TIAM1: variants seen among roughly 807,000 people sequenced by gnomAD.
TIAM1 encodes TIAM Rac1 associated GEF 1, also known as rho guanine nucleotide exchange factor TIAM1.
A neutral mutation model predicts 163.5 loss-of-function variants in TIAM1; 65 were observed. That is an observed-to-expected ratio of 0.40 (90% CI 0.33 to 0.49). TIAM1 has a LOEUF of 0.49. Among genes scored for constraint, TIAM1 ranks in the 20% least tolerant of loss-of-function variants. The pLI is 0.77. For synonymous variants in TIAM1, 833 were observed against 810.1 expected, an observed-to-expected ratio of 1.03 and a Z score of -0.48; for missense variants, 1,789 against 2,044.7, an observed-to-expected ratio of 0.87 and a Z score of 2.41.
At chr21:31,500,831 C>T (rs1036072719) in intron 1 of TIAM1, among the ~76,000 whole-genome samples, 2 of 152,196 alleles carry the variant, frequency 1.3e-5, no homozygotes, top group African/African-American at 4.8e-5. Flanking sequence ...TTTTGGACTT[C>T]TGGCCTCCAG....
At chr21:31,278,498 T>C (rs576667987) in intron 2 of TIAM1, among the ~76,000 whole-genome samples, 219 of 152,336 alleles carry the variant, frequency 1.4e-3, no homozygotes, top group African/African-American at 4.8e-3. Context: ...GACATTCCCC[T>C]GGGGCTGCCC....
chr21:31,423,431 A>G (rs1357343294), intron 2 of TIAM1, among the ~76,000 whole-genome samples: 3 of 152,066 alleles, frequency 2.0e-5, no homozygotes, highest in Non-Finnish European at 4.4e-5. Flanking sequence ...ATAAAAGTCA[A>G]GAGTAGCCTA....
At chr21:31,479,908 C>T (rs2046058467) in intron 1 of TIAM1, among the ~76,000 whole-genome samples, 1 of 152,114 alleles carries the variant, frequency 6.6e-6, no homozygotes, top group African/African-American at 2.4e-5. Context: ...ACCTGAGATG[C>T]CCCTACACGT....
chr21:31,457,126 A>G (rs1353146163), intron 2 of TIAM1, among the ~76,000 whole-genome samples: 1 of 152,062 alleles, frequency 6.6e-6, no homozygotes, highest in Non-Finnish European at 1.5e-5. Context: ...AAAATTTCTT[A>G]TTAACAAATC....
intron 6 of TIAM1, among the ~76,000 whole-genome samples, chr21:31,242,404 C>A (rs1394273267): frequency 1.3e-5 from 2 of 151,974 alleles, no homozygotes; most frequent in Non-Finnish European, 2.9e-5. Context: ...ACACCTGTAG[C>A]CCCAGCTATT....
intron 15 of TIAM1, among the ~76,000 whole-genome samples, chr21:31,170,711 G>T (rs2084459740): frequency 1.3e-5 from 2 of 151,996 alleles, no homozygotes; most frequent in South Asian, 4.2e-4. Flanking sequence ...CCATCATAAA[G>T]TCAAAAAATC....
rs143910910 is a variant in TIAM1 at position 31,145,653 on chromosome 21, C to A, written c.3475+1242G>T. Among the ~76,000 whole-genome samples the A allele has an allele frequency of 2.6e-5, 4 of 152,228 alleles. No individual in the cohort carries two copies. In the East Asian group the frequency reaches 7.7e-4, roughly 29 times the overall value. ...TATAAAAATTCTACTGTGTCCTGCA[C>A]AAAAATAACTACAAATGCAGCAGTT... On this transcript the variant is annotated intron_variant, in intron 20 of 27. Coordinates refer to ENST00000541036, the MANE Select transcript of TIAM1 (RefSeq NM_001353694.2).
At chr21:31,481,520 A>G (rs1020651930) in intron 1 of TIAM1, among the ~76,000 whole-genome samples, 2 of 152,152 alleles carry the variant, frequency 1.3e-5, no homozygotes, top group East Asian at 3.9e-4. Flanking sequence ...GACACCAGCT[A>G]CAGATGGAGG....
At chr21:31,268,881 A>G (rs1218855153) in intron 3 of TIAM1, among the ~76,000 whole-genome samples, 1 of 152,182 alleles carries the variant, frequency 6.6e-6, no homozygotes, top group Non-Finnish European at 1.5e-5. Flanking sequence ...TTTAAAGTAC[A>G]TATTAAGATA....
intron 2 of TIAM1, among the ~76,000 whole-genome samples, chr21:31,397,896 A>G (rs2147212302): frequency 6.6e-6 from 1 of 152,354 alleles, no homozygotes; most frequent in Admixed American, 6.5e-5. Flanking sequence ...AAGGAACTTC[A>G]GAATTCTTCC....
intron 2 of TIAM1, among the ~76,000 whole-genome samples, chr21:31,414,021 A>T (rs1351196852): frequency 2.0e-5 from 3 of 152,226 alleles, no homozygotes; most frequent in Non-Finnish European, 4.4e-5. Flanking sequence ...TTGGCGGATG[A>T]CAAAGGCCTA....
chr21:31,397,685 A>T (rs1363219103), intron 2 of TIAM1, among the ~76,000 whole-genome samples: 1 of 152,158 alleles, frequency 6.6e-6, no homozygotes, highest in African/African-American at 2.4e-5. Context: ...CAAATCTGTT[A>T]GGGGGAGTCT....
At chr21:31,487,933 C>A (rs2046332852) in intron 1 of TIAM1, among the ~76,000 whole-genome samples, 1 of 152,174 alleles carries the variant, frequency 6.6e-6, no homozygotes, top group Non-Finnish European at 1.5e-5. Context: ...CTCAAGTGAT[C>A]CGTCCGCCTT....
chr21:31,178,871 C>A (rs2084886386), intron 15 of TIAM1, among the ~76,000 whole-genome samples: 1 of 151,668 alleles, frequency 6.6e-6, no homozygotes, highest in South Asian at 2.1e-4. Context: ...GCCGCCTCAG[C>A]CTCCCTAGTA....
chr21:31,460,382 T>A (rs762150835), intron 2 of TIAM1, among the ~76,000 whole-genome samples: 6 of 152,188 alleles, frequency 3.9e-5, no homozygotes, highest in Non-Finnish European at 7.3e-5. Flanking sequence ...ATCCCAGCAC[T>A]TTGCGAAGCT....
intron 1 of TIAM1, among the ~76,000 whole-genome samples, chr21:31,492,339 G>A (rs1383623340): frequency 6.6e-6 from 1 of 152,166 alleles, no homozygotes; most frequent in South Asian, 2.1e-4. Flanking sequence ...ACTGAAAGCT[G>A]ATCTTCACAG....
rs373797523 is a variant in TIAM1 at position 31,127,206 on chromosome 21, A to C, written c.4046-54T>G. 7.7e-6 allele frequency: 12 copies of C among 1,555,158 alleles called. No individual in the cohort carries two copies. The East Asian group carries it at 2.7e-4, about 35-fold the overall frequency. ...GGGTATGTTTCAAGTGGATTTATTT[A>C]CATGTTTGCAAAAGCATTTTTCAGC... On this transcript the variant is annotated intron_variant, in intron 25 of 27. Transcript: ENST00000541036.
chr21:31,252,755 C>T (rs1569110077), intron 4 of TIAM1, among the ~76,000 whole-genome samples: 1 of 152,254 alleles, frequency 6.6e-6, no homozygotes, highest in Admixed American at 6.5e-5. Flanking sequence ...ACTCACCCAG[C>T]ACGGCTCCGT....
At chr21:31,451,760 T>TGTGTGTGAGA (rs1491328799) in intron 2 of TIAM1, among the ~76,000 whole-genome samples, 4 of 138,216 alleles carry the variant, frequency 2.9e-5, no homozygotes, top group East Asian at 2.0e-4. Context: ...TGTGTGTGTG[T>TGTGTGTGAGA]GAGACACAGA....
Sources: gnomAD v4.1 joint callset for allele counts (sites outside exome capture counted in the v4.1 genomes callset) on GRCh38, gnomAD v4.1.1 for gene constraint, MANE v1.5 for transcripts, NCBI Gene and HGNC (gene_info 2026-07-23, HGNC 2026-07-21) for gene names.